Variants in ABHD12 observed in about 807,000 individuals in gnomAD.
ABHD12 encodes lysophosphatidylserine lipase ABHD12.
ABHD12 carries 43 observed loss-of-function variants against 58.3 expected under a neutral mutation model. That is an observed-to-expected ratio of 0.74 (90% CI 0.58 to 0.95). The LOEUF (loss-of-function observed/expected upper bound fraction) is 0.95, where lower values mean the gene tolerates loss of function less well. Ranked by LOEUF, ABHD12 falls within the 40% of genes least tolerant of loss-of-function variation. The probability of loss-of-function intolerance (pLI) is 0.00; values close to 1 mark genes in which losing one functional copy is unlikely to be tolerated. For synonymous variants in ABHD12, 219 were observed against 211.2 expected (o/e 1.04, Z -0.32); for missense variants, 539 against 537.2 (o/e 1.00, Z -0.03).
chr20:25,341,222 G>A (rs1275083975), intron 1 of ABHD12, among the ~76,000 whole-genome samples: 1 of 152,186 alleles, frequency 6.6e-6, no homozygotes, highest in Admixed American at 6.5e-5. Context: ...CAAGCACAAG[G>A]GCCATGGCAG....
At position 25,321,604 on chromosome 20, in the gene ABHD12, A is replaced by G. The variant is rs540100691; in HGVS notation, c.423-1286T>C. On this transcript the variant is annotated intron_variant, in intron 3 of 12. Coordinates refer to ENST00000339157, the MANE Select transcript of ABHD12 (RefSeq NM_001042472.3). ...CACTGCCTTGACACTTGCCACTGAC[A>G]TCACTAAACAAAACCTTTTCTGGTA... is the stretch of plus-strand genomic sequence containing the variant. 1.3e-4 allele frequency among the ~76,000 whole-genome samples: 20 copies of G among 152,372 alleles called. No individual in the cohort carries two copies. In the South Asian group the frequency reaches 4.1e-3, roughly 32 times the overall value.
intron 6 of ABHD12, among the ~76,000 whole-genome samples, chr20:25,312,568 G>T (rs1400522365): frequency 6.6e-6 from 1 of 152,242 alleles, no homozygotes; most frequent in Non-Finnish European, 1.5e-5. Context: ...GCCTCCCAAA[G>T]TGCCGAGATT....
At chr20:25,305,568 A>T (rs918440637) in intron 10 of ABHD12, among the ~76,000 whole-genome samples, 5 of 151,694 alleles carry the variant, frequency 3.3e-5, no homozygotes, top group African/African-American at 1.2e-4. Context: ...TCACTGTGTT[A>T]GCCAGGATGG....
intron 10 of ABHD12, 88 bp from the exon 11 acceptor site, chr20:25,303,716 GGT>G: frequency 6.4e-7 from 1 of 1,569,220 alleles, no homozygotes; most frequent in East Asian, 2.3e-5. Context: ...CTGGGTTCAG[GGT>G]GTGTTTTGGG....
At position 25,331,806 on chromosome 20, in the gene ABHD12, C is replaced by T. The variant is rs527327565; in HGVS notation, c.316+7421G>A. Among the ~76,000 whole-genome samples, 64 of 151,984 alleles carry T rather than the reference C, an allele frequency of 4.2e-4. 1 individual carries two copies. The highest frequency in any genetic ancestry group is 1.5e-3 in the African/African-American group (61 of 41,422). The stretch of plus-strand genomic sequence containing the variant: ...GCCCTAAAAGACCTCCTGAAGGATG[C>T]GCTAAACATGGAAAGGAAAAACCGG... On this transcript the variant is annotated intron_variant, in intron 2 of 12. Coordinates refer to ENST00000339157, the MANE Select transcript of ABHD12 (RefSeq NM_001042472.3).
intron 1 of ABHD12, among the ~76,000 whole-genome samples, chr20:25,362,858 G>C (rs1435862439): frequency 1.3e-5 from 2 of 151,862 alleles, no homozygotes; most frequent in East Asian, 3.9e-4. Context: ...ATTTTTACTA[G>C]AGACAGGTTT....
intron 6 of ABHD12, among the ~76,000 whole-genome samples, chr20:25,313,045 G>A (rs1314764490): frequency 6.6e-6 from 1 of 152,210 alleles, no homozygotes; most frequent in Non-Finnish European, 1.5e-5. Flanking sequence ...TGGGAAGTGA[G>A]GAGCCCCTCT....
chr20:25,303,725 T>C (rs1475103045), intron 10 of ABHD12, 97 bp from the exon 11 acceptor site: 6 of 1,536,560 alleles, frequency 3.9e-6, no homozygotes, highest in Non-Finnish European at 5.3e-6. Flanking sequence ...GGGTGTGTTT[T>C]GGGAAACAGC....
At chr20:25,376,582 C>A (rs918929085) in intron 1 of ABHD12, among the ~76,000 whole-genome samples, 1 of 152,224 alleles carries the variant, frequency 6.6e-6, no homozygotes, top group African/African-American at 2.4e-5. Flanking sequence ...TTTTCAGGTG[C>A]TTTACACACA....
rs1234223689 is a variant in ABHD12, at chr20:25,390,488, C to T, written c.191+25G>A. The T allele has an allele frequency of 1.9e-5, 25 of 1,310,914 alleles. 1 individual carries two copies. The African/African-American group carries it at 2.6e-4, about 14-fold the overall frequency. The allele number at this position is 1,310,914 out of a possible 1,614,324, so 81.2% of individuals were successfully genotyped here. On this transcript the variant is annotated intron_variant, in intron 1 of 12. Coordinates refer to ENST00000339157, the MANE Select transcript of ABHD12 (RefSeq NM_001042472.3). ...AAAGTGAGGGACCGGCCCCCCCCCC[C>T]CCCCCGCTCCGCGCGAAGCCTCACC...
intron 4 of ABHD12, among the ~76,000 whole-genome samples, chr20:25,318,871 C>T (rs375240368): frequency 4.6e-5 from 7 of 152,198 alleles, no homozygotes; most frequent in East Asian, 3.9e-4. Context: ...TGTAGCTAGA[C>T]ACGCCATCCC....
intron 6 of ABHD12, among the ~76,000 whole-genome samples, chr20:25,312,816 C>A (rs2088879507): frequency 6.6e-6 from 1 of 152,062 alleles, no homozygotes; most frequent in Admixed American, 6.5e-5. Flanking sequence ...TGAGGAGCGC[C>A]TCTGCCCGGC....
chr20:25,330,945 C>T (rs1021988981), intron 2 of ABHD12, among the ~76,000 whole-genome samples: 5 of 152,200 alleles, frequency 3.3e-5, no homozygotes, highest in East Asian at 3.9e-4. Context: ...TCACCAGCAA[C>T]GGAACAAAGC....
At chr20:25,298,460 G>T (rs1193250580), downstream of ABHD12, among the ~76,000 whole-genome samples, 1 of 151,964 alleles carries the variant, frequency 6.6e-6, no homozygotes, top group Non-Finnish European at 1.5e-5. Flanking sequence ...TTGCCATGTT[G>T]GCCAGGCTGG....
At chr20:25,298,924 C>T (rs539076812), downstream of ABHD12, among the ~76,000 whole-genome samples, 252 of 152,242 alleles carry the variant, frequency 1.7e-3, no homozygotes, top group Middle Eastern at 3.4e-3. Flanking sequence ...AAGGTGGTGC[C>T]CTGGGAGTCT....
In ABHD12 at chr20:25,294,874, AG is replaced by A. The variant is rs57215790; in HGVS notation, c.*98del. 1.9e-3 allele frequency: 2,554 copies of A among 1,376,194 alleles called. 40 individuals are homozygous for A. The African/African-American group carries it at 0.03, about 16-fold the overall frequency. 85.2% of individuals were successfully genotyped at this position (1,376,194 alleles called of 1,614,324 possible). A position where few individuals can be genotyped will look rare whatever the true frequency, so the allele number is the denominator to read the frequency against. On this transcript the variant is annotated 3_prime_UTR_variant, in exon 13 of 13. Coordinates refer to the ABHD12 transcript ENST00000376542. ...CCGTTGGCAAAAGTTGAATCCGGCG[AG>A]GGCTGGGAATTCACCTGCCCTCCAC...
intron 7 of ABHD12, 106 bp downstream of exon 7, chr20:25,309,340 T>C: frequency 2.6e-6 from 4 of 1,553,582 alleles, no homozygotes; most frequent in Admixed American, 3.4e-5. Context: ...TCGGGACTAA[T>C]GGTGCCACAG....
chr20:25,357,329 T>C (rs1190303869), intron 1 of ABHD12, among the ~76,000 whole-genome samples: 1 of 152,248 alleles, frequency 6.6e-6, no homozygotes, highest in Admixed American at 6.5e-5. Context: ...GACTCACTCC[T>C]TTCCCTTCTG....
chr20:25,299,767 T>C (rs976594586), downstream of ABHD12, among the ~76,000 whole-genome samples: 2 of 151,996 alleles, frequency 1.3e-5, no homozygotes, highest in Admixed American at 1.3e-4. Context: ...TCTGGGGCCG[T>C]GGGTGGGTGG....
Sources: allele counts gnomAD v4.1 joint callset (sites outside exome capture counted in the v4.1 genomes callset), GRCh38; gene constraint gnomAD v4.1.1; transcripts MANE v1.5; gene names NCBI Gene and HGNC (gene_info 2026-07-23, HGNC 2026-07-21).